The following CCDC178 variants were observed in gnomAD, a reference collection of about 807,000 sequenced individuals.
The protein encoded by CCDC178 is coiled-coil domain containing 178.
CCDC178 carries 126 observed loss-of-function variants against 117.4 expected under a neutral mutation model. The observed-to-expected ratio is 1.07, with a 90% CI of 0.93 to 1.24. The LOEUF is 1.24. CCDC178 is among the 50% of genes most tolerant of loss of function. The probability of loss-of-function intolerance (pLI) is 0.00; values close to 1 mark genes in which losing one functional copy is unlikely to be tolerated. For synonymous variants in CCDC178, 283 were observed against 313.4 expected, an observed-to-expected ratio of 0.90 and a Z score of 1.02; for missense variants, 1,030 against 986.9, an observed-to-expected ratio of 1.04 and a Z score of -0.59.
chr18:33,034,114 C>T (rs1027393577), intron 21 of CCDC178, among the ~76,000 whole-genome samples: 1 of 151,970 alleles, frequency 6.6e-6, no homozygotes, highest in African/African-American at 2.4e-5. Flanking sequence ...ACCTTGGAGT[C>T]ATCCTAGGCT....
chr18:33,334,516 T>G lies in CCDC178; in HGVS notation c.659-1122A>C, dbSNP rs376829528. 1.1e-4 allele frequency among the ~76,000 whole-genome samples: 17 copies of G among 152,188 alleles called. No homozygotes were observed. The East Asian group carries it at 2.7e-3, about 24-fold the overall frequency. On this transcript the variant is annotated intron_variant, in intron 9 of 22. Transcript: ENST00000383096. ...TAACTTTCTGGCATTAACTGAATCT[T>G]GCATTCTTGGAATAAAATTAGATGG... is the stretch of plus-strand genomic sequence containing the variant.
chr18:33,204,928 T>C (rs1315694037), intron 20 of CCDC178, among the ~76,000 whole-genome samples: 11 of 152,014 alleles, frequency 7.2e-5, no homozygotes. Flanking sequence ...TTAGCACAAT[T>C]AATTATGACC....
At chr18:33,237,356 G>C (rs2059436768) in intron 15 of CCDC178, among the ~76,000 whole-genome samples, 1 of 152,092 alleles carries the variant, frequency 6.6e-6, no homozygotes, top group Non-Finnish European at 1.5e-5. Flanking sequence ...AGCCAAACTA[G>C]TGCATGTCCA....
chr18:33,323,657 T>C, intron 10 of CCDC178, 24 bp from the exon 11 acceptor site: 2 of 1,399,696 alleles, frequency 1.4e-6, no homozygotes, highest in Non-Finnish European at 1.9e-6. Flanking sequence ...TATTTTTGCT[T>C]ATATTTGCAC....
intron 20 of CCDC178, among the ~76,000 whole-genome samples, chr18:33,156,868 C>G (rs1236578268): frequency 1.3e-5 from 2 of 152,092 alleles, no homozygotes; most frequent in Admixed American, 6.5e-5. Flanking sequence ...ATAGCAATGC[C>G]TGGTATTCAG....
At chr18:33,200,750 T>C (rs2058982011) in intron 20 of CCDC178, among the ~76,000 whole-genome samples, 1 of 152,228 alleles carries the variant, frequency 6.6e-6, no homozygotes, top group Admixed American at 6.5e-5. Context: ...TTCCAGGTTC[T>C]AGAGAACTCT....
At chr18:32,984,491 T>C (rs1417356678) in intron 21 of CCDC178, among the ~76,000 whole-genome samples, 1 of 149,620 alleles carries the variant, frequency 6.7e-6, no homozygotes, top group Non-Finnish European at 1.5e-5. Context: ...GTTTGATAAT[T>C]TGGTTCTGAA....
At chr18:33,135,280 A>C (rs2058111372) in intron 20 of CCDC178, among the ~76,000 whole-genome samples, 1 of 152,264 alleles carries the variant, frequency 6.6e-6, no homozygotes, top group East Asian at 1.9e-4. Flanking sequence ...ATTTCATTAA[A>C]AATATAATGG....
intron 2 of CCDC178, among the ~76,000 whole-genome samples, chr18:33,430,017 A>T (rs4799345): frequency 0.64 from 96,818 of 152,070 alleles, 31,366 homozygotes; most frequent in South Asian, 0.81. Context: ...ATGTGACATG[A>T]TAAAAGCAAA....
At chr18:33,105,176 T>C (rs1310309088) in intron 20 of CCDC178, among the ~76,000 whole-genome samples, 1 of 151,654 alleles carries the variant, frequency 6.6e-6, no homozygotes, top group Non-Finnish European at 1.5e-5. Flanking sequence ...TGCATACATA[T>C]TGGTATGTGA....
At chr18:33,128,765 G>A (rs567533890) in intron 20 of CCDC178, among the ~76,000 whole-genome samples, 34 of 152,192 alleles carry the variant, frequency 2.2e-4, no homozygotes, top group African/African-American at 6.0e-4. Context: ...ATTTTACCCC[G>A]CACCAGGAAC....
intron 12 of CCDC178, among the ~76,000 whole-genome samples, chr18:33,271,863 T>C (rs751761248): frequency 1.2e-4 from 18 of 151,456 alleles, no homozygotes; most frequent in Non-Finnish European, 1.6e-4. Context: ...TATTTTGAGA[T>C]GAATGAGAAT....
chr18:33,133,182 T>C (rs1173950231), intron 20 of CCDC178, among the ~76,000 whole-genome samples: 1 of 151,856 alleles, frequency 6.6e-6, no homozygotes, highest in Non-Finnish European at 1.5e-5. Flanking sequence ...ATTTGAAATG[T>C]TGAAATGTTA....
chr18:33,028,757 C>T (rs1339726005), intron 21 of CCDC178, among the ~76,000 whole-genome samples: 1 of 151,232 alleles, frequency 6.6e-6, no homozygotes, highest in Non-Finnish European at 1.5e-5. Flanking sequence ...TGTCAAATGC[C>T]ATATTTATGT....
intron 21 of CCDC178, among the ~76,000 whole-genome samples, chr18:33,085,278 T>C (rs1293969676): frequency 6.6e-6 from 1 of 152,200 alleles, no homozygotes; most frequent in Non-Finnish European, 1.5e-5. Context: ...AAACGTATTT[T>C]TGGGGCCGGG....
At chr18:32,939,636 G>A (rs2054194997) in intron 22 of CCDC178, among the ~76,000 whole-genome samples, 1 of 152,042 alleles carries the variant, frequency 6.6e-6, no homozygotes, top group Admixed American at 6.6e-5. Flanking sequence ...CAGTAATGAC[G>A]GTGACTGAGC....
chr18:33,011,153 TAA>T (rs941780101), intron 21 of CCDC178, among the ~76,000 whole-genome samples: 3 of 152,152 alleles, frequency 2.0e-5, no homozygotes, highest in Non-Finnish European at 2.9e-5. Flanking sequence ...ACAGAAAATT[TAA>T]AAAAGATTTT....
At chr18:33,355,863 G>A (rs887195814) in intron 7 of CCDC178, among the ~76,000 whole-genome samples, 1 of 152,264 alleles carries the variant, frequency 6.6e-6, no homozygotes, top group East Asian at 1.9e-4. Flanking sequence ...TGAGAATGAT[G>A]TTCCTATTAT....
chr18:33,086,405 T>C (rs988274298), intron 21 of CCDC178, among the ~76,000 whole-genome samples: 2 of 150,406 alleles, frequency 1.3e-5, no homozygotes, highest in Non-Finnish European at 3.0e-5. Flanking sequence ...TGTATGTATA[T>C]ATACATATAT....
Sources: allele counts gnomAD v4.1 joint callset (sites outside exome capture counted in the v4.1 genomes callset), GRCh38; gene constraint gnomAD v4.1.1; transcripts MANE v1.5; gene names NCBI Gene and HGNC (gene_info 2026-07-23, HGNC 2026-07-21).